The following SSBP3 variants were observed in gnomAD, a reference collection of about 807,000 sequenced individuals.
SSBP3 encodes single stranded DNA binding protein 3.
A neutral mutation model predicts 69.6 loss-of-function variants in SSBP3; 5 were observed. That is an observed-to-expected ratio of 0.07 (90% CI 0.04 to 0.15). SSBP3 has a LOEUF of 0.15. Ranked by LOEUF, SSBP3 falls within the 10% of genes least tolerant of loss-of-function variation. The pLI is 1.00. For missense variants in SSBP3, 312 were observed against 534.0 expected (o/e 0.58, Z 4.10); for synonymous variants, 196 against 193.4 (o/e 1.01, Z -0.11).
At chr1:54,280,918 GA>G (rs1424708029) in intron 5 of SSBP3, among the ~76,000 whole-genome samples, 1 of 152,132 alleles carries the variant, frequency 6.6e-6, no homozygotes, top group Non-Finnish European at 1.5e-5. Context: ...ATCACACTCG[GA>G]AAAAATCAAG....
At chr1:54,274,672 C>T (rs1346957219) in intron 5 of SSBP3, among the ~76,000 whole-genome samples, 2 of 152,174 alleles carry the variant, frequency 1.3e-5, no homozygotes, top group Non-Finnish European at 2.9e-5. Context: ...GCCATGGCCA[C>T]CTCCAGAGGG....
At chr1:54,313,987 G>C (rs191785969) in intron 4 of SSBP3, among the ~76,000 whole-genome samples, 4 of 152,218 alleles carry the variant, frequency 2.6e-5, no homozygotes, top group African/African-American at 9.6e-5. Flanking sequence ...TGGTCTCAAA[G>C]TCCTGACATC....
At chr1:54,311,217 C>T (rs1424032327) in intron 4 of SSBP3, among the ~76,000 whole-genome samples, 1 of 152,134 alleles carries the variant, frequency 6.6e-6, no homozygotes, top group African/African-American at 2.4e-5. Context: ...GGGCTCAAGA[C>T]GGAAATCCAC....
At chr1:54,227,001 AG>A in exon 18 of SSBP3, 5 of 426,892 alleles carry the variant, frequency 1.2e-5, no homozygotes, top group South Asian at 1.1e-4. Flanking sequence ...ATGGGGTGGG[AG>A]GGGGTTGAGG....
intron 5 of SSBP3, among the ~76,000 whole-genome samples, chr1:54,271,976 G>T (rs977421301): frequency 6.6e-6 from 1 of 152,026 alleles, no homozygotes; most frequent in Non-Finnish European, 1.5e-5. Context: ...CACCATGTTG[G>T]TCAGGCTGGT....
intron 5 of SSBP3, among the ~76,000 whole-genome samples, chr1:54,264,354 T>C: frequency 6.6e-6 from 1 of 152,190 alleles, no homozygotes; most frequent in East Asian, 1.9e-4. Context: ...ACACCGATTT[T>C]TTAAAGGAGA....
rs561565134 is a variant in SSBP3, at chr1:54,327,587, T to TCTCTC, written c.277-46061_277-46060insGAGAG. ...TTCTTTCTTTCCCTTTCTCTCTCTC[T>TCTCTC]TTTTTAATGATTCTGCAGCTGCTGC... is the stretch of plus-strand genomic sequence containing the variant. On this transcript the variant is annotated intron_variant, in intron 4 of 17. Coordinates refer to ENST00000610401, the Ensembl canonical transcript of SSBP3. Among the ~76,000 whole-genome samples the TCTCTC allele has an allele frequency of 1.1e-3, 162 of 151,818 alleles. 3 individuals are homozygous for TCTCTC. The South Asian group carries it at 0.027, about 25-fold the overall frequency.
chr1:54,309,048 A>G (rs1405129878), intron 4 of SSBP3, among the ~76,000 whole-genome samples: 1 of 152,268 alleles, frequency 6.6e-6, no homozygotes, highest in Non-Finnish European at 1.5e-5. Flanking sequence ...ACTGGGGCAT[A>G]TGTGCATACA....
At chr1:54,307,892 G>A (rs1645929213) in intron 4 of SSBP3, among the ~76,000 whole-genome samples, 1 of 152,140 alleles carries the variant, frequency 6.6e-6, no homozygotes, top group African/African-American at 2.4e-5. Context: ...ATAAAAATGA[G>A]CAATCAGCAG....
intron 7 of SSBP3, among the ~76,000 whole-genome samples, chr1:54,252,602 G>C (rs1186366102): frequency 6.6e-6 from 1 of 152,192 alleles, no homozygotes; most frequent in Non-Finnish European, 1.5e-5. Context: ...TCCAGAGCTG[G>C]GGCCATCGGC....
chr1:54,396,777 C>G (rs1648917511), intron 4 of SSBP3, among the ~76,000 whole-genome samples: 3 of 152,148 alleles, frequency 2.0e-5, no homozygotes, highest in African/African-American at 7.2e-5. Context: ...GTGACCACTG[C>G]CAAAAATTTT....
intron 5 of SSBP3, among the ~76,000 whole-genome samples, chr1:54,262,917 G>C (rs556588423): frequency 1.3e-5 from 2 of 152,324 alleles, no homozygotes; most frequent in Admixed American, 1.3e-4. Context: ...CAGCCTTCCA[G>C]CTGCCCTGGA....
intron 5 of SSBP3, among the ~76,000 whole-genome samples, chr1:54,277,255 G>A (rs1197973386): frequency 6.6e-6 from 1 of 151,976 alleles, no homozygotes; most frequent in Admixed American, 6.6e-5. Context: ...TGGACACACA[G>A]CTTCAGAATC....
At chr1:54,313,426 G>A (rs1646039710) in intron 4 of SSBP3, among the ~76,000 whole-genome samples, 1 of 144,122 alleles carries the variant, frequency 6.9e-6, no homozygotes, top group South Asian at 2.2e-4. Flanking sequence ...CCGAAGCTGT[G>A]TGCCTGTGCT....
At chr1:54,402,048 G>A (rs547196023) in intron 3 of SSBP3, 103 bp from the exon 4 acceptor site, 3 of 936,858 alleles carry the variant, frequency 3.2e-6, no homozygotes, top group East Asian at 2.5e-5. Context: ...GTCTCCCAAA[G>A]GCTCAATCCC....
chr1:54,408,390 G>A (rs1239176474), upstream of SSBP3, among the ~76,000 whole-genome samples: 4 of 152,210 alleles, frequency 2.6e-5, no homozygotes, highest in African/African-American at 7.2e-5. Context: ...TCATACCCTT[G>A]CCCTGGACTT....
rs1646777117 is a variant in SSBP3 at position 54,351,276 on chromosome 1, TTCC to T, written c.276+50582_276+50584del. On this transcript the variant is annotated intron_variant, in intron 4 of 17. Transcript: ENST00000610401. The stretch of plus-strand genomic sequence containing the variant: ...GTGGTGGGTGACTTTCTTTTCTTCC[TTCC>T]TCCTACTTTTCAAAATGAACGAGTA... Among the ~76,000 whole-genome samples the T allele has an allele frequency of 3.3e-5, 5 of 152,338 alleles. No individual in the cohort carries two copies. In the South Asian group the frequency reaches 1.0e-3, roughly 32 times the overall value.
chr1:54,228,787 T>C (rs763179650), exon 15 of SSBP3: 1 of 1,611,152 alleles, frequency 6.2e-7, no homozygotes, highest in East Asian at 2.2e-5. Flanking sequence ...ATGCCACCCA[T>C]GCCGCCCATC....
chr1:54,310,019 T>C (rs556256846), intron 4 of SSBP3, among the ~76,000 whole-genome samples: 166 of 152,276 alleles, frequency 1.1e-3, no homozygotes, highest in African/African-American at 3.8e-3. Flanking sequence ...TCCTTCTCCC[T>C]GCACACTTCC....
Sources: gnomAD v4.1 joint callset for allele counts (sites outside exome capture counted in the v4.1 genomes callset) on GRCh38, gnomAD v4.1.1 for gene constraint, MANE v1.5 for transcripts, NCBI Gene and HGNC (gene_info 2026-07-23, HGNC 2026-07-21) for gene names.